The following PPA2 variants were observed in gnomAD, a reference collection of about 807,000 sequenced individuals.
PPA2 encodes inorganic pyrophosphatase 2, also known as inorganic pyrophosphatase 2, mitochondrial.
In PPA2, 48 loss-of-function variants were observed where a neutral mutation model predicts 49.5. The ratio of observed to expected loss-of-function variants is 0.97; its 90% confidence interval spans 0.77 to 1.23. The LOEUF is 1.23. Among genes scored for constraint, PPA2 ranks in the 50% most tolerant of loss-of-function variants. The pLI is 0.00. For missense variants in PPA2, 429 were observed against 410.1 expected, an observed-to-expected ratio of 1.05 and a Z score of -0.40; for synonymous variants, 131 against 139.9, an observed-to-expected ratio of 0.94 and a Z score of 0.45.
intron 5 of PPA2, among the ~76,000 whole-genome samples, chr4:105,440,139 G>A (rs949567117): frequency 6.6e-6 from 1 of 152,036 alleles, no homozygotes; most frequent in Non-Finnish European, 1.5e-5. Context: ...GAACAAATGC[G>A]ACAAGCTAGA....
At chr4:105,438,133 A>G (rs1724154340) in intron 5 of PPA2, 97 bp from the exon 6 acceptor site, 1 of 840,340 alleles carries the variant, frequency 1.2e-6, no homozygotes, top group Non-Finnish European at 1.8e-6. Context: ...AGATAACAAT[A>G]ATCCAAAGAA....
chr4:105,403,107 T>A (rs1722299755), intron 7 of PPA2, among the ~76,000 whole-genome samples: 2 of 152,114 alleles, frequency 1.3e-5, no homozygotes, highest in East Asian at 1.9e-4. Flanking sequence ...CACTGCAACC[T>A]TGACTTCCAG....
At position 105,396,263 on chromosome 4, in the gene PPA2, T is replaced by C. The variant is rs1734139256; in HGVS notation, c.855A>G (p.Gly285=). The change falls in exon 9 of 12, where the codon GGA becomes GGG. Residue 285 remains glycine, a synonymous_variant. Coordinates refer to ENST00000341695, the MANE Select transcript of PPA2 (RefSeq NM_176869.3). ...CAAATTCTTACCAATTTATAGCTCC[T>C]CCATTACACTTCTTCATAAGCAATG... The part of the protein sequence containing the change: ...WKALLMKKCN[G]GAINCTNVQI... 6.3e-7 allele frequency: 1 copy of C among 1,582,930 alleles called. No homozygotes were observed. Among genetic ancestry groups the C allele is most frequent in the Non-Finnish European group, 8.6e-7 (1 of 1,162,556 alleles).
chr4:105,390,476 C>A (rs556991092), intron 9 of PPA2, among the ~76,000 whole-genome samples: 90 of 149,240 alleles, frequency 6.0e-4, no homozygotes, highest in African/African-American at 2.1e-3. Context: ...AAAAAAAAAA[C>A]CCATCAAAAA....
At chr4:105,379,795 G>A (rs746586195) in intron 10 of PPA2, among the ~76,000 whole-genome samples, 122 of 151,946 alleles carry the variant, frequency 8.0e-4, no homozygotes, top group Middle Eastern at 3.4e-3. Flanking sequence ...CACCATGCCC[G>A]CCTTATTTTT....
intron 10 of PPA2, among the ~76,000 whole-genome samples, chr4:105,381,827 T>C (rs1191388489): frequency 6.6e-6 from 1 of 152,098 alleles, no homozygotes; most frequent in Non-Finnish European, 1.5e-5. Flanking sequence ...TTGTTTTAGT[T>C]GATCCTGTCA....
At chr4:105,381,217 A>T (rs1359700188) in intron 10 of PPA2, among the ~76,000 whole-genome samples, 3 of 151,916 alleles carry the variant, frequency 2.0e-5, no homozygotes, top group Admixed American at 1.3e-4. Context: ...TGTTTACACA[A>T]TTTTTTTCTA....
At chr4:105,473,805 C>A (rs1283083453) in intron 1 of PPA2, 89 bp downstream of exon 1, 1 of 1,526,376 alleles carries the variant, frequency 6.6e-7, no homozygotes, top group South Asian at 1.2e-5. Context: ...AGAAGGGAGA[C>A]CGCGCGGGGC....
rs1722599341 is a variant in PPA2 at position 105,408,694 on chromosome 4, T to C, written c.656-9530A>G. 2.0e-5 allele frequency among the ~76,000 whole-genome samples: 3 copies of C among 152,258 alleles called. No individual in the cohort carries two copies. The South Asian group carries it at 6.2e-4, about 32-fold the overall frequency. On this transcript the variant is annotated intron_variant, in intron 7 of 11. Coordinates refer to ENST00000341695, the MANE Select transcript of PPA2 (RefSeq NM_176869.3). ...AAAACACAACTGCAATAGTTAAAAA[T>C]GGCAAAATTCCAAGTACAAATGAAT... is the stretch of plus-strand genomic sequence containing the variant.
intron 4 of PPA2, among the ~76,000 whole-genome samples, chr4:105,448,877 A>C (rs1405542584): frequency 1.3e-5 from 2 of 152,124 alleles, no homozygotes; most frequent in Non-Finnish European, 2.9e-5. Flanking sequence ...TCTCTATAAA[A>C]CTATAACGTA....
At chr4:105,443,531 T>A (rs928958720) in intron 5 of PPA2, among the ~76,000 whole-genome samples, 96 of 150,564 alleles carry the variant, frequency 6.4e-4, no homozygotes, top group Non-Finnish European at 1.1e-3. Flanking sequence ...CTTAAAAACA[T>A]CATTCAATTT....
chr4:105,422,646 G>A (rs1004116236), intron 7 of PPA2, among the ~76,000 whole-genome samples: 1 of 152,022 alleles, frequency 6.6e-6, no homozygotes, highest in Non-Finnish European at 1.5e-5. Context: ...TCACACATTA[G>A]AATCAGACAG....
chr4:105,386,798 A>G (rs1210314133), intron 9 of PPA2, among the ~76,000 whole-genome samples, 162 bp from the exon 10 acceptor site: 1 of 152,244 alleles, frequency 6.6e-6, no homozygotes, highest in Non-Finnish European at 1.5e-5. Flanking sequence ...ATTATTGTAT[A>G]TTCTTTCAGG....
intron 11 of PPA2, 114 bp downstream of exon 11, chr4:105,370,723 C>A: frequency 8.2e-7 from 1 of 1,215,724 alleles, no homozygotes; most frequent in Non-Finnish European, 1.1e-6. Context: ...TTTCACTTAG[C>A]TTATACAGCT....
chr4:105,390,330 A>C (rs1297563893), intron 9 of PPA2, among the ~76,000 whole-genome samples: 1 of 152,248 alleles, frequency 6.6e-6, no homozygotes, highest in Non-Finnish European at 1.5e-5. Context: ...ATCAAACTAA[A>C]GAGCTTCTGA....
intron 11 of PPA2, among the ~76,000 whole-genome samples, chr4:105,370,237 A>T (rs992115268): frequency 6.6e-6 from 1 of 152,186 alleles, no homozygotes; most frequent in Admixed American, 6.5e-5. Flanking sequence ...ACTCACAGTA[A>T]ATAGTTCTCA....
intron 2 of PPA2, chr4:105,456,036 C>G: frequency 3.1e-6 from 1 of 327,864 alleles, no homozygotes. Flanking sequence ...GATCTCGAAA[C>G]ACCCCAACAA....
intron 10 of PPA2, among the ~76,000 whole-genome samples, chr4:105,385,442 A>C (rs1006271366): frequency 6.6e-6 from 1 of 151,924 alleles, no homozygotes; most frequent in African/African-American, 2.4e-5. Flanking sequence ...ACAACAACAA[A>C]AAAACAAACA....
At chr4:105,458,576 T>C (rs1722957837) in intron 1 of PPA2, among the ~76,000 whole-genome samples, 1 of 151,922 alleles carries the variant, frequency 6.6e-6, no homozygotes, top group African/African-American at 2.4e-5. Flanking sequence ...AATTCCAGCA[T>C]TTTGGGAGGC....
Sources: gnomAD v4.1 joint callset for allele counts (sites outside exome capture counted in the v4.1 genomes callset) on GRCh38, gnomAD v4.1.1 for gene constraint, MANE v1.5 for transcripts, NCBI Gene and HGNC (gene_info 2026-07-23, HGNC 2026-07-21) for gene names.